ASTN2: variants seen among roughly 807,000 people sequenced by gnomAD.
ASTN2 encodes astrotactin-2.
Under a neutral mutation model 139.8 loss-of-function variants are expected in ASTN2, and 54 were observed. The ratio of observed to expected loss-of-function variants is 0.39; its 90% CI spans 0.31 to 0.48. The LOEUF (loss-of-function observed/expected upper bound fraction) is 0.48. Ranked by LOEUF, ASTN2 falls within the 20% of genes least tolerant of loss-of-function variation. ASTN2 has a pLI of 0.95. For synonymous variants in ASTN2, 756 were observed against 719.5 expected, an observed-to-expected ratio of 1.05 and a Z score of -0.81; for missense variants, 1,565 against 1,725.1, an observed-to-expected ratio of 0.91 and a Z score of 1.64.
chr9:117,125,832 G>T (rs370125247), intron 4 of ASTN2, among the ~76,000 whole-genome samples: 16 of 151,728 alleles, frequency 1.1e-4, no homozygotes, highest in African/African-American at 1.7e-4. Flanking sequence ...ATTGCGGCGG[G>T]GGGGGGAATT....
rs1554772775 is a variant in ASTN2, at chr9:117,046,026, A to ATGTATGTG, written c.1277-6062_1277-6061insCACATACA. Among the ~76,000 whole-genome samples the ATGTATGTG allele has an allele frequency of 5.1e-3, 741 of 146,292 alleles. 6 individuals are homozygous for ATGTATGTG. The highest frequency in any genetic ancestry group is 0.015 in the African/African-American group (622 of 40,458). Reference sequence around the variant, plus strand: ...TATGTATGTATGTATGTATGTATGTAGTCTCACTCTGTCACCCAGGCTGGA... The same window carrying ATGTATGTG: ...TATGTATGTATGTATGTATGTATGTATGTATGTGGTCTCACTCTGTCACCCAGGCTGGA... On this transcript the variant is annotated intron_variant, in intron 5 of 22. Coordinates refer to ENST00000313400, the MANE Select transcript of ASTN2 (RefSeq NM_001365068.1).
intron 13 of ASTN2, among the ~76,000 whole-genome samples, chr9:116,805,397 G>T (rs1414091168): frequency 6.6e-6 from 1 of 152,010 alleles, no homozygotes; most frequent in Non-Finnish European, 1.5e-5. Context: ...TAAAATGTGG[G>T]GCTAGAACTA....
chr9:117,188,357 G>C (rs1196384422), intron 3 of ASTN2, among the ~76,000 whole-genome samples: 1 of 152,168 alleles, frequency 6.6e-6, no homozygotes, highest in East Asian at 1.9e-4. Context: ...TCCATAGCAT[G>C]AGGAGTTTTC....
chr9:117,090,078 C>T (rs1351874147), intron 5 of ASTN2, among the ~76,000 whole-genome samples: 1 of 152,126 alleles, frequency 6.6e-6, no homozygotes, highest in Non-Finnish European at 1.5e-5. Context: ...CAGGAGTCAG[C>T]TAAGTTTCAT....
chr9:116,498,900 T>A (rs1849761758), intron 19 of ASTN2, among the ~76,000 whole-genome samples: 1 of 152,132 alleles, frequency 6.6e-6, no homozygotes, highest in Non-Finnish European at 1.5e-5. Context: ...ATACACTAAC[T>A]CACTTCACAC....
At chr9:116,839,605 GAGTTGCTGGAATTAC>G (rs1832129500) in intron 11 of ASTN2, among the ~76,000 whole-genome samples, 1 of 151,748 alleles carries the variant, frequency 6.6e-6, no homozygotes, top group Non-Finnish European at 1.5e-5. Context: ...TTGGCCTCCC[GAGTTGCTGGAATTAC>G]AGTTGCTGGA....
intron 15 of ASTN2, among the ~76,000 whole-genome samples, chr9:116,727,782 T>C (rs1828671342): frequency 6.6e-6 from 1 of 152,192 alleles, no homozygotes; most frequent in South Asian, 2.1e-4. Context: ...GGGCAAGTTA[T>C]TTAACCTCCC....
chr9:116,904,549 C>T (rs962612736), intron 10 of ASTN2, among the ~76,000 whole-genome samples: 4 of 152,136 alleles, frequency 2.6e-5, no homozygotes, highest in Non-Finnish European at 5.9e-5. Context: ...GCTTCAGTTT[C>T]TTCATCTGTA....
At position 116,785,623 on chromosome 9, in the gene ASTN2, T is replaced by C. The variant is rs975993119; in HGVS notation, c.2396+20009A>G. 2.6e-5 allele frequency among the ~76,000 whole-genome samples: 4 copies of C among 152,310 alleles called. No individual in the cohort carries two copies. The East Asian group carries it at 7.7e-4, about 29-fold the overall frequency. ...CTGTGGGCTTTCCTGTCTCCATCAATGGCACATCCGTCTGTCCAACTGCTC... is the reference window on the plus strand; with the variant it reads ...CTGTGGGCTTTCCTGTCTCCATCAACGGCACATCCGTCTGTCCAACTGCTC... On this transcript the variant is annotated intron_variant, in intron 13 of 22. Coordinates refer to ENST00000313400, the MANE Select transcript of ASTN2 (RefSeq NM_001365068.1).
intron 5 of ASTN2, among the ~76,000 whole-genome samples, chr9:117,047,492 T>C (rs1163655180): frequency 6.6e-6 from 1 of 152,190 alleles, no homozygotes; most frequent in Non-Finnish European, 1.5e-5. Flanking sequence ...TAATAAGATC[T>C]AGGCAAGTGT....
chr9:117,076,261 A>C (rs35172562), intron 5 of ASTN2, among the ~76,000 whole-genome samples: 10 of 152,204 alleles, frequency 6.6e-5, no homozygotes, highest in Non-Finnish European at 1.2e-4. Flanking sequence ...ACAAGATGTC[A>C]CTGTTGAGGG....
At chr9:116,448,228 C>A (rs1335349519) in intron 20 of ASTN2, among the ~76,000 whole-genome samples, 1 of 151,458 alleles carries the variant, frequency 6.6e-6, no homozygotes, top group Non-Finnish European at 1.5e-5. Flanking sequence ...TCCTTCCCCC[C>A]ACACAGCTTT....
At chr9:117,034,545 A>G (rs771302442) in intron 6 of ASTN2, among the ~76,000 whole-genome samples, 8 of 152,170 alleles carry the variant, frequency 5.3e-5, no homozygotes, top group Non-Finnish European at 8.8e-5. Context: ...AGAAGTGATC[A>G]CATATGTTAG....
intron 13 of ASTN2, among the ~76,000 whole-genome samples, chr9:116,760,220 A>T (rs2132167067): frequency 6.6e-6 from 1 of 152,340 alleles, no homozygotes; most frequent in Non-Finnish European, 1.5e-5. Flanking sequence ...GCTAGCCTCA[A>T]AGTGCCAGCT....
chr9:116,454,459 A>T (rs1373609398), intron 20 of ASTN2, among the ~76,000 whole-genome samples: 1 of 152,192 alleles, frequency 6.6e-6, no homozygotes, highest in Non-Finnish European at 1.5e-5. Flanking sequence ...GGGACTGTAA[A>T]CTAGTTCAAC....
At chr9:116,703,989 C>A (rs1827922849) in intron 16 of ASTN2, among the ~76,000 whole-genome samples, 1 of 152,154 alleles carries the variant, frequency 6.6e-6, no homozygotes, top group East Asian at 1.9e-4. Context: ...TTTATCTTGT[C>A]AATATCATTA....
chr9:117,355,537 C>T (rs1280042051), intron 1 of ASTN2, among the ~76,000 whole-genome samples: 1 of 152,140 alleles, frequency 6.6e-6, no homozygotes, highest in Non-Finnish European at 1.5e-5. Flanking sequence ...AACCAGACAC[C>T]AGGCTGCTTA....
At chr9:117,355,428 C>G (rs534040911) in intron 1 of ASTN2, among the ~76,000 whole-genome samples, 1 of 152,166 alleles carries the variant, frequency 6.6e-6, no homozygotes, top group African/African-American at 2.4e-5. Flanking sequence ...CTTTCAGTAA[C>G]GCTGTGTGCT....
intron 2 of ASTN2, among the ~76,000 whole-genome samples, chr9:117,238,768 G>C (rs1833120099): frequency 6.6e-6 from 1 of 152,148 alleles, no homozygotes; most frequent in Admixed American, 6.5e-5. Context: ...TAGCTCCAGT[G>C]ACCGCTATAA....
Sources: allele counts gnomAD v4.1 joint callset (sites outside exome capture counted in the v4.1 genomes callset), GRCh38; gene constraint gnomAD v4.1.1; transcripts MANE v1.5; gene names NCBI Gene and HGNC (gene_info 2026-07-23, HGNC 2026-07-21).